ZNF652: variants seen among roughly 807,000 people sequenced by gnomAD.
The protein encoded by ZNF652 is zinc finger protein 652.
In ZNF652, 16 loss-of-function variants were observed where a neutral mutation model predicts 45.2. The observed-to-expected ratio is 0.35, with a 90% CI of 0.24 to 0.54. The LOEUF (loss-of-function observed/expected upper bound fraction) is 0.54, where lower values mean the gene tolerates loss of function less well. Among genes scored for constraint, ZNF652 ranks in the 20% least tolerant of loss-of-function variants. The pLI, the probability that ZNF652 is intolerant of heterozygous loss-of-function variation, is 0.91. For synonymous variants in ZNF652, 250 were observed against 260.6 expected, an observed-to-expected ratio of 0.96 and a Z score of 0.39; for missense variants, 614 against 765.6, an observed-to-expected ratio of 0.80 and a Z score of 2.34.
Position 49,342,522 on chromosome 17 carries a change from C to CT in ZNF652, c.-259+19386dup, listed in dbSNP as rs199722768. Among the ~76,000 whole-genome samples the CT allele has an allele frequency of 6.5e-3, 834 of 127,966 alleles. 12 individuals are homozygous for CT. The highest frequency in any genetic ancestry group is 0.021 in the African/African-American group (720 of 33,652). The allele number at this position is 127,966 out of a possible 152,430, so 84.0% of individuals were successfully genotyped here. On this transcript the variant is annotated intron_variant, in intron 1 of 5. Transcript: ENST00000430262. ...AGGGATCTGCAACTTTCGAGCAAGACTTTTTTTCATTAAATGCCAGATAAC... is the reference window on the plus strand; with the variant it reads ...AGGGATCTGCAACTTTCGAGCAAGACTTTTTTTTCATTAAATGCCAGATAAC...
rs1204879096 is a variant in ZNF652, at chr17:49,291,305, G to A, written c.*7108C>T. ...GAAGCTGTGTTCATTCAGAGGAGCT[G>A]GATATTCCAGAAACAACTTGACTCT... On this transcript the variant is annotated 3_prime_UTR_variant, in exon 6 of 6. Coordinates refer to ENST00000430262, the MANE Select transcript of ZNF652 (RefSeq NM_001145365.3). 7 of 152,106 alleles carry A rather than the reference G, an allele frequency of 4.6e-5. No homozygotes were observed. The highest frequency in any genetic ancestry group is 8.8e-5 in the Non-Finnish European group (6 of 68,042). 9.4% of individuals were successfully genotyped at this position (152,106 alleles called of 1,614,324 possible). A position where few individuals can be genotyped will look rare whatever the true frequency, so the allele number is the denominator to read the frequency against.
Position 49,291,750 on chromosome 17 carries a change from C to T in ZNF652, c.*6663G>A, listed in dbSNP as rs1357563250. ...AGATACTAAGTTACTAGTTACTATC[C>T]AAGAGGCAAACTTCTAGATCAATAA... On this transcript the variant is annotated 3_prime_UTR_variant, in exon 6 of 6. Transcript: ENST00000430262. 6.6e-6 allele frequency: 1 copy of T among 152,160 alleles called. No homozygotes were observed. Among genetic ancestry groups the T allele is most frequent in the African/African-American group, 2.4e-5 (1 of 41,414 alleles). 9.4% of individuals were successfully genotyped at this position (152,160 alleles called of 1,614,324 possible).
chr17:49,327,882 A>T (rs2069982917), intron 1 of ZNF652, among the ~76,000 whole-genome samples: 1 of 149,352 alleles, frequency 6.7e-6, no homozygotes, highest in South Asian at 2.2e-4. Context: ...CCTCCCAAAG[A>T]GTTGGAATTA....
At chr17:49,319,989 GC>G (rs1421363410) in intron 1 of ZNF652, among the ~76,000 whole-genome samples, 3 of 151,962 alleles carry the variant, frequency 2.0e-5, no homozygotes, top group Admixed American at 6.6e-5. Context: ...TGTTTTAGCT[GC>G]CCCCCTCTCC....
rs1309418849 is a variant in ZNF652, at chr17:49,296,424, TTTC to T, written c.*1986_*1988del. ...TAATCTCAATTGAAAGAGTTCATTT[TTTC>T]TTACCACAGAGCTCATTAGTTAGAA... On this transcript the variant is annotated 3_prime_UTR_variant, in exon 6 of 6. Coordinates refer to ENST00000430262, the MANE Select transcript of ZNF652 (RefSeq NM_001145365.3). The T allele has an allele frequency of 2.0e-5, 3 of 152,628 alleles. No homozygotes were observed. Among genetic ancestry groups the T allele is most frequent in the African/African-American group, 7.2e-5 (3 of 41,456 alleles). 9.5% of individuals were successfully genotyped at this position (152,628 alleles called of 1,614,324 possible).
chr17:49,294,137 A>G lies in ZNF652; in HGVS notation c.*4276T>C, dbSNP rs1158551259. Among the ~76,000 whole-genome samples the G allele has an allele frequency of 6.6e-6, 1 of 152,172 alleles. No homozygotes were observed. Among genetic ancestry groups the G allele is most frequent in the African/African-American group, 2.4e-5 (1 of 41,454 alleles). Reference sequence around the variant, plus strand: ...ATAATGGAACTAAACATACATATCTATTCAACAATCATAAAAACTGAAAAA... The same window carrying G: ...ATAATGGAACTAAACATACATATCTGTTCAACAATCATAAAAACTGAAAAA... On this transcript the variant is annotated 3_prime_UTR_variant, in exon 6 of 6. Coordinates refer to ENST00000430262, the MANE Select transcript of ZNF652 (RefSeq NM_001145365.3).
At chr17:49,319,217 AAAGG>A (rs1425215570) in intron 1 of ZNF652, among the ~76,000 whole-genome samples, 1 of 152,226 alleles carries the variant, frequency 6.6e-6, no homozygotes, top group Non-Finnish European at 1.5e-5. Flanking sequence ...CTAGTTGACA[AAAGG>A]AAGGAAATGA....
intron 1 of ZNF652, among the ~76,000 whole-genome samples, chr17:49,319,635 CAA>C (rs35770760): frequency 5.9e-3 from 273 of 46,222 alleles, no homozygotes; most frequent in Middle Eastern, 0.03. Context: ...GACTCTGTCT[CAA>C]AAAAAAAAAA....
rs1281349358 is a variant in ZNF652, at chr17:49,292,117, G to C, written c.*6296C>G. Among the ~76,000 whole-genome samples, 1 of 152,120 alleles carries C rather than the reference G, an allele frequency of 6.6e-6. No homozygotes were observed. The highest frequency in any genetic ancestry group is 1.5e-5 in the Non-Finnish European group (1 of 68,022). On this transcript the variant is annotated 3_prime_UTR_variant, in exon 6 of 6. Transcript: ENST00000430262. The stretch of plus-strand genomic sequence containing the variant: ...TAAGGAAAAGGACATGAGATTTTAA[G>C]TCAGAAAGGAAAAATGCTGACTAAG...
At position 49,317,505 on chromosome 17, in the gene ZNF652, TC is replaced by T; in HGVS notation, c.220del (p.Glu74LysfsTer45). On this transcript the variant is annotated frameshift_variant, in exon 2 of 6. Coordinates refer to ENST00000430262, the MANE Select transcript of ZNF652 (RefSeq NM_001145365.3). LOFTEE classifies it high-confidence loss of function. The stretch of plus-strand genomic sequence containing the variant: ...CCTGAAATATGGCTGTTCTTCTGTT[TC>T]ATGGAGATGCGGTTTGCTCATCTTG... ...DTKMSKPHLH[E>X]TEEQPYFRET... The T allele has an allele frequency of 6.2e-7, 1 of 1,614,150 alleles. No homozygotes were observed. The highest frequency in any genetic ancestry group is 8.5e-7 in the Non-Finnish European group (1 of 1,180,022).
chr17:49,347,338 G>A (rs749802219), intron 1 of ZNF652, among the ~76,000 whole-genome samples: 1 of 152,326 alleles, frequency 6.6e-6, no homozygotes, highest in African/African-American at 2.4e-5. Context: ...GCCACGATGT[G>A]TGGATTGCTT....
chr17:49,330,242 A>G (rs1487936210), intron 1 of ZNF652, among the ~76,000 whole-genome samples: 1 of 152,204 alleles, frequency 6.6e-6, no homozygotes, highest in Non-Finnish European at 1.5e-5. Context: ...GTCTAGCCTT[A>G]ACCAAAGGTC....
intron 5 of ZNF652, among the ~76,000 whole-genome samples, chr17:49,305,973 C>T (rs1261368203): frequency 2.0e-5 from 3 of 152,210 alleles, no homozygotes; most frequent in Non-Finnish European, 1.5e-5. Flanking sequence ...GCCTTAGAGA[C>T]CTATCCGCAT....
intron 1 of ZNF652, among the ~76,000 whole-genome samples, chr17:49,358,027 A>G (rs1372191720): frequency 6.6e-6 from 1 of 152,208 alleles, no homozygotes; most frequent in Non-Finnish European, 1.5e-5. Flanking sequence ...TTACTCCAAC[A>G]TGCTCCATAT....
intron 2 of ZNF652, among the ~76,000 whole-genome samples, chr17:49,316,322 T>C (rs1322643018): frequency 2.0e-5 from 3 of 152,214 alleles, no homozygotes; most frequent in African/African-American, 7.2e-5. Flanking sequence ...AAATTTAGTG[T>C]TGTCATCTCT....
intron 5 of ZNF652, among the ~76,000 whole-genome samples, chr17:49,304,055 A>ATTTC (rs2069592212): frequency 8.5e-6 from 1 of 117,422 alleles, no homozygotes; most frequent in Non-Finnish European, 1.7e-5. Flanking sequence ...TGCCTGGCTA[A>ATTTC]TTTTTTTTTT....
intron 1 of ZNF652, among the ~76,000 whole-genome samples, chr17:49,349,691 C>T (rs185084514): frequency 8.3e-4 from 127 of 152,248 alleles, no homozygotes; most frequent in African/African-American, 3.0e-3. Flanking sequence ...ATTTTCCATA[C>T]ACTAATGGAC....
Position 49,311,465 on chromosome 17 carries a change from G to C in ZNF652, c.1165-9C>G. 1 of 1,611,428 alleles carries C rather than the reference G, an allele frequency of 6.2e-7. No homozygotes were observed. The highest frequency in any genetic ancestry group is 8.5e-7 in the Non-Finnish European group (1 of 1,177,926). ...AACCTTTCGTCACAGTTCTGCATTG[G>C]ATACAGTGGAGATTTTTGAATGCCA... On this transcript the variant is annotated splice_polypyrimidine_tract_variant and intron_variant, in intron 4 of 5. Transcript: ENST00000430262.
intron 1 of ZNF652, among the ~76,000 whole-genome samples, chr17:49,350,979 A>G (rs1394106892): frequency 0.18 from 4,001 of 22,220 alleles, 205 homozygotes; most frequent in African/African-American, 0.28. Flanking sequence ...ACATATATAT[A>G]TATATATATA....
Sources: allele counts gnomAD v4.1 joint callset (sites outside exome capture counted in the v4.1 genomes callset), GRCh38; gene constraint gnomAD v4.1.1; transcripts MANE v1.5; gene names NCBI Gene and HGNC (gene_info 2026-07-23, HGNC 2026-07-21).